The following KATNIP variants were observed in gnomAD, a reference collection of about 807,000 sequenced individuals.
The protein encoded by KATNIP is katanin interacting protein, also known as katanin-interacting protein.
Under a neutral mutation model 174.0 loss-of-function variants are expected in KATNIP, and 126 were observed. The observed-to-expected ratio is 0.72, with a 90% CI of 0.63 to 0.84. The LOEUF (loss-of-function observed/expected upper bound fraction) is 0.84. Ranked by LOEUF, KATNIP falls within the 40% of genes least tolerant of loss-of-function variation. KATNIP has a pLI of 0.00. For synonymous variants in KATNIP, 810 were observed against 835.7 expected (o/e 0.97, Z 0.53); for missense variants, 1,958 against 2,109.7 (o/e 0.93, Z 1.41).
At chr16:27,566,030 T>G (rs148376908) in intron 1 of KATNIP, among the ~76,000 whole-genome samples, 334 of 151,936 alleles carry the variant, frequency 2.2e-3, no homozygotes, top group African/African-American at 7.5e-3. Context: ...CTGTTTTTTT[T>G]TTTTTTTTTT....
At chr16:27,736,766 C>T (rs1677014960) in intron 14 of KATNIP, among the ~76,000 whole-genome samples, 1 of 152,178 alleles carries the variant, frequency 6.6e-6, no homozygotes, top group South Asian at 2.1e-4. Context: ...TAAAAAAAGA[C>T]TCACTGCTGT....
In KATNIP at chr16:27,756,223, C is replaced by A. The variant is rs139329835; in HGVS notation, c.3631+1972C>A. On this transcript the variant is annotated intron_variant, in intron 18 of 27. Transcript: ENST00000261588. ...ATGACCAATGATCTCTTAGAAGGTG[C>A]CTTAGAGGAAGGTGCCTTATTTGGA... Among the ~76,000 whole-genome samples, 148 of 152,328 alleles carry A rather than the reference C, an allele frequency of 9.7e-4. 6 individuals carry two copies. In the East Asian group the frequency reaches 0.024, roughly 24 times the overall value.
intron 1 of KATNIP, among the ~76,000 whole-genome samples, chr16:27,555,730 G>C (rs933502615): frequency 2.6e-5 from 4 of 152,130 alleles, no homozygotes; most frequent in South Asian, 2.1e-4. Flanking sequence ...CAGCCACTTG[G>C]GGGGCTGAGG....
At chr16:27,759,340 T>C (rs1437843235) in intron 18 of KATNIP, among the ~76,000 whole-genome samples, 3 of 152,140 alleles carry the variant, frequency 2.0e-5, no homozygotes, top group Non-Finnish European at 1.5e-5. Flanking sequence ...AGCAGGGCTG[T>C]TTGAGCTCTG....
At chr16:27,727,108 C>CCT (rs2080480527) in intron 14 of KATNIP, 1 of 159,346 alleles carries the variant, frequency 6.3e-6, no homozygotes, top group African/African-American at 2.4e-5. Flanking sequence ...GGCCTCCTGC[C>CCT]CTCTGTACGA....
intron 10 of KATNIP, 88 bp downstream of exon 10, chr16:27,699,687 A>T: frequency 6.4e-7 from 1 of 1,571,832 alleles, no homozygotes; most frequent in Non-Finnish European, 8.7e-7. Context: ...ACAAAGCCCT[A>T]TGCATGTGCA....
At position 27,721,678 on chromosome 16, in the gene KATNIP, T is replaced by C; in HGVS notation, c.1726T>C (p.Tyr576His). Reference sequence around the variant, plus strand: ...TCTGGCCAAGATCAAGGTTCGGAATTACTGGACAGCTGATGGCGTAAGTAA... The same window carrying C: ...TCTGGCCAAGATCAAGGTTCGGAATCACTGGACAGCTGATGGCGTAAGTAA... ...FHLAKIKVRN[Y>H]WTADGDLDIG... The change falls in exon 14 of 28, where the codon TAC (tyrosine) becomes CAC (histidine). Residue 576 changes from tyrosine (Y) to histidine (H), a missense_variant. By Grantham distance (83) the Tyr-to-His change is moderately conservative. This residue lies in a region of KATNIP where 1,557 missense variants were observed against 1,617.8 expected (regional missense o/e 0.96). Transcript: ENST00000261588. 1 of 1,614,128 alleles carries C rather than the reference T, an allele frequency of 6.2e-7. No individual in the cohort carries two copies. The highest frequency in any genetic ancestry group is 8.5e-7 in the Non-Finnish European group (1 of 1,180,020).
rs1192587979 is a variant in KATNIP at position 27,740,740 on chromosome 16, G to A, written c.2443G>A (p.Gly815Arg). 6.2e-7 allele frequency: 1 copy of A among 1,614,188 alleles called. No individual in the cohort carries two copies. Among genetic ancestry groups the A allele is most frequent in the Admixed American group, 1.7e-5 (1 of 60,026 alleles). ...AGGCCTACGGCATGAGCCAGGGTGG[G>A]GGACCAGCCGGAGTGTCAACACCAA... The part of the protein sequence containing the change: ...DKGLRHEPGW[G>R]TSRSVNTKER... The change falls in exon 15 of 28, where the codon GGG becomes AGG. Residue 815 changes from glycine (G) to arginine (R), a missense_variant. Gly to Arg is a moderately radical substitution (Grantham distance 125). Transcript: ENST00000261588.
chr16:27,759,939 T>A (rs933331191), intron 18 of KATNIP, among the ~76,000 whole-genome samples: 1 of 152,102 alleles, frequency 6.6e-6, no homozygotes, highest in African/African-American at 2.4e-5. Flanking sequence ...GGCCACATGT[T>A]TTTTTCATCT....
intron 17 of KATNIP, among the ~76,000 whole-genome samples, chr16:27,752,838 G>A (rs1597379025): frequency 6.6e-6 from 1 of 152,088 alleles, no homozygotes; most frequent in Admixed American, 6.5e-5. Context: ...ACAGGCAAGA[G>A]CCGCCACACT....
At chr16:27,705,262 C>T (rs1197734829) in intron 12 of KATNIP, among the ~76,000 whole-genome samples, 1 of 152,142 alleles carries the variant, frequency 6.6e-6, no homozygotes, top group Non-Finnish European at 1.5e-5. Context: ...CCTTCTGCCC[C>T]TACCTTCACT....
At chr16:27,682,767 G>A (rs1377321042) in intron 8 of KATNIP, among the ~76,000 whole-genome samples, 1 of 152,124 alleles carries the variant, frequency 6.6e-6, no homozygotes, top group African/African-American at 2.4e-5. Flanking sequence ...CCCCAATGTG[G>A]CAATACTGAG....
At chr16:27,756,222 G>A (rs972888623) in intron 18 of KATNIP, among the ~76,000 whole-genome samples, 1 of 152,196 alleles carries the variant, frequency 6.6e-6, no homozygotes, top group African/African-American at 2.4e-5. Flanking sequence ...CTTAGAAGGT[G>A]CCTTAGAGGA....
chr16:27,721,344 G>T (rs1001450546), intron 13 of KATNIP, among the ~76,000 whole-genome samples: 1 of 152,136 alleles, frequency 6.6e-6, no homozygotes. Flanking sequence ...TTGTGCAGGG[G>T]GTGGGATGGG....
chr16:27,713,850 ATATATATC>A lies in KATNIP; in HGVS notation c.1605+4934_1605+4941del, dbSNP rs1229668890. On this transcript the variant is annotated intron_variant, in intron 13 of 27. Coordinates refer to ENST00000261588, the MANE Select transcript of KATNIP (RefSeq NM_015202.5). The stretch of plus-strand genomic sequence containing the variant: ...TATATATATATATATATATATATAT[ATATATATC>A]TATCTCAGATTGTGCCCTTCCCCTA... Among the ~76,000 whole-genome samples, 488 of 74,430 alleles carry A rather than the reference ATATATATC, an allele frequency of 6.6e-3. 14 individuals carry two copies. Among genetic ancestry groups the A allele is most frequent in the South Asian group, 8.4e-3 (22 of 2,606 alleles). 48.8% of individuals were successfully genotyped at this position (74,430 alleles called of 152,430 possible).
At chr16:27,723,743 A>G (rs1175038849) in intron 14 of KATNIP, among the ~76,000 whole-genome samples, 1 of 152,178 alleles carries the variant, frequency 6.6e-6, no homozygotes, top group Non-Finnish European at 1.5e-5. Flanking sequence ...ACGAGACCAC[A>G]TGGCAGGTTG....
intron 7 of KATNIP, among the ~76,000 whole-genome samples, chr16:27,678,629 C>T (rs2078212247): frequency 6.6e-6 from 1 of 152,218 alleles, no homozygotes; most frequent in South Asian, 2.1e-4. Context: ...GCAAAAGTCC[C>T]AGACCTGGTT....
At chr16:27,708,618 C>A (rs1482799685) in intron 12 of KATNIP, 87 bp from the exon 13 acceptor site, 9 of 1,049,806 alleles carry the variant, frequency 8.6e-6, no homozygotes, top group Non-Finnish European at 9.9e-6. Flanking sequence ...GGTTAACTAA[C>A]TTTTTGAAGG....
At chr16:27,592,987 G>A (rs959777970) in intron 2 of KATNIP, among the ~76,000 whole-genome samples, 3 of 152,214 alleles carry the variant, frequency 2.0e-5, no homozygotes, top group Non-Finnish European at 4.4e-5. Flanking sequence ...CTGAAGCAGT[G>A]GAGCTTCACA....
Sources: allele counts gnomAD v4.1 joint callset (sites outside exome capture counted in the v4.1 genomes callset), GRCh38; gene constraint gnomAD v4.1.1; regional missense constraint gnomAD v4.1.1; transcripts MANE v1.5; gene names NCBI Gene and HGNC (gene_info 2026-07-23, HGNC 2026-07-21).